TBATA: variants seen among roughly 807,000 people sequenced by gnomAD.
TBATA encodes the protein protein TBATA.
TBATA carries 47 observed loss-of-function variants against 38.7 expected under a neutral mutation model. The ratio of observed to expected loss-of-function variants is 1.21; its 90% CI spans 0.96 to 1.55. TBATA has a LOEUF of 1.55. Among genes scored for constraint, TBATA ranks in the 40% most tolerant of loss-of-function variants. The pLI is 0.00. For synonymous variants in TBATA, 183 were observed against 170.5 expected (o/e 1.07, Z -0.57); for missense variants, 436 against 435.6 (o/e 1.00, Z -0.01).
rs200173023 is a variant in TBATA at position 70,771,439 on chromosome 10, G to A, written c.996C>T (p.Val332=). ...TGTTCTGGCTTGAATGCATCTGGAG[G>A]ACTTGAGCTTCTCCAATGTACTCTA... The part of the protein sequence containing the change: ...EKPEYIGEAQ[V]LQMHSSQNTE... Residue 332 remains valine, a synonymous_variant, in exon 11 of 11, where the codon GTC becomes GTT. Transcript: ENST00000456372. 1.4e-5 allele frequency: 22 copies of A among 1,614,064 alleles called. No individual in the cohort carries two copies. In the Admixed American group the frequency reaches 3.2e-4, roughly 23 times the overall value.
chr10:70,778,529 C>T, intron 6 of TBATA, 28 bp downstream of exon 6: 1 of 1,608,018 alleles, frequency 6.2e-7, no homozygotes, highest in Non-Finnish European at 8.5e-7. Context: ...CTCCTCTTCC[C>T]AGACTAGCTC....
chr10:70,778,738 TC>T, intron 5 of TBATA, 102 bp from the exon 6 acceptor site: 1 of 1,011,334 alleles, frequency 9.9e-7, no homozygotes, highest in Non-Finnish European at 1.6e-6. Flanking sequence ...CTTCCTGGCC[TC>T]CCTGCCTGGA....
At chr10:70,776,657 C>T (rs1389659338) in intron 7 of TBATA, among the ~76,000 whole-genome samples, 1 of 152,160 alleles carries the variant, frequency 6.6e-6, no homozygotes. Flanking sequence ...ACCTCTGACG[C>T]CTTCACCCAC....
intron 3 of TBATA, chr10:70,782,481 A>G: frequency 7.8e-7 from 1 of 1,289,232 alleles, no homozygotes; most frequent in Non-Finnish European, 1.0e-6. Context: ...ATAGGCTGTC[A>G]TCCTCCCCCA....
In TBATA at chr10:70,774,282, G is replaced by A; in HGVS notation, c.851C>T (p.Thr284Ile). Residue 284 changes from threonine (T) to isoleucine (I), a missense_variant, in exon 9 of 11, where the codon ACA becomes ATA. By Grantham distance (89) the Thr-to-Ile change is moderately conservative. Transcript: ENST00000456372. Reference protein sequence around the residue: ...LLPQPLVSIPTEKLLSQLPEV... With the variant: ...LLPQPLVSIPIEKLLSQLPEV... ...TGGAAGCTGGCTTAGGAGCTTTTCTGTAGGGATGGAGACTAGGGGCTGGGG... is the reference window on the plus strand; with the variant it reads ...TGGAAGCTGGCTTAGGAGCTTTTCTATAGGGATGGAGACTAGGGGCTGGGG... 1 of 1,611,022 alleles carries A rather than the reference G, an allele frequency of 6.2e-7. No homozygotes were observed. The highest frequency in any genetic ancestry group is 8.5e-7 in the Non-Finnish European group (1 of 1,179,216).
intron 1 of TBATA, 148 bp downstream of exon 1, chr10:70,785,136 GC>G (rs1844718224): frequency 6.6e-6 from 1 of 152,462 alleles, no homozygotes; most frequent in East Asian, 1.9e-4. Flanking sequence ...GCCCTGCCCT[GC>G]CCCTGCTCTC....
At chr10:70,779,483 C>T (rs1843860686) in intron 5 of TBATA, 110 bp downstream of exon 5, 2 of 1,280,618 alleles carry the variant, frequency 1.6e-6, no homozygotes, top group Admixed American at 3.0e-5. Context: ...CAACGGACCT[C>T]ACTGACCTAA....
intron 9 of TBATA, among the ~76,000 whole-genome samples, chr10:70,773,383 A>C (rs1228767945): frequency 6.6e-6 from 1 of 151,526 alleles, no homozygotes; most frequent in Non-Finnish European, 1.5e-5. Flanking sequence ...CCAAGCTTTC[A>C]TTTGCTCAGT....
chr10:70,774,159 C>T, intron 9 of TBATA, 54 bp downstream of exon 9: 1 of 1,599,402 alleles, frequency 6.3e-7, no homozygotes, highest in Non-Finnish European at 8.5e-7. Flanking sequence ...TCCCACTGGC[C>T]TCACCTGGGA....
At position 70,777,142 on chromosome 10, in the gene TBATA, T is replaced by G. The variant is rs757477032; in HGVS notation, c.693+11A>C. ...AGAGCCAGGAGCCTGGGAGCAGAACTGGGCCCTCACCAGCAGCTCCTGATC... is the reference window on the plus strand; with the variant it reads ...AGAGCCAGGAGCCTGGGAGCAGAACGGGGCCCTCACCAGCAGCTCCTGATC... On this transcript the variant is annotated intron_variant, in intron 7 of 10. Coordinates refer to ENST00000456372, the MANE Select transcript of TBATA (RefSeq NM_001318241.2). The G allele has an allele frequency of 2.5e-5, 41 of 1,611,460 alleles. No homozygotes were observed. The highest frequency in any genetic ancestry group is 3.3e-5 in the Non-Finnish European group (39 of 1,179,502).
intron 9 of TBATA, among the ~76,000 whole-genome samples, chr10:70,773,772 T>G (rs1843030317): frequency 6.6e-6 from 1 of 152,236 alleles, no homozygotes; most frequent in African/African-American, 2.4e-5. Flanking sequence ...TTGCTGACTC[T>G]CAGGCTCCAC....
chr10:70,777,366 G>T (rs1843551737), intron 6 of TBATA, 28 bp from the exon 7 acceptor site: 2 of 1,603,584 alleles, frequency 1.2e-6, no homozygotes, highest in Non-Finnish European at 1.7e-6. Flanking sequence ...AGAGACTCCA[G>T]GCAGTCAGCA....
chr10:70,774,974 G>A (rs1330608505), intron 8 of TBATA, among the ~76,000 whole-genome samples: 1 of 152,212 alleles, frequency 6.6e-6, no homozygotes, highest in African/African-American at 2.4e-5. Flanking sequence ...AGGAGCAGGG[G>A]TAAGGAAATC....
At chr10:70,772,260 T>C in intron 10 of TBATA, 1 of 674,458 alleles carries the variant, frequency 1.5e-6, no homozygotes, top group Non-Finnish European at 2.8e-6. Context: ...TCTGTATTCC[T>C]CCTTGCTGGG....
rs374589827 is a variant in TBATA, at chr10:70,783,324, C to T, written c.41+15G>A. On this transcript the variant is annotated intron_variant, in intron 3 of 10. Coordinates refer to ENST00000456372, the MANE Select transcript of TBATA (RefSeq NM_001318241.2). ...AGCCCTCCTCAGTCAGCAGGGTGGG[C>T]ATTTGGAGCCTCACCTCATCAGTGG... The T allele has an allele frequency of 1.2e-6, 2 of 1,614,004 alleles. No homozygotes were observed. The highest frequency in any genetic ancestry group is 1.3e-5 in the African/African-American group (1 of 74,932).
intron 6 of TBATA, 67 bp downstream of exon 6, chr10:70,778,490 G>T: frequency 6.7e-7 from 1 of 1,481,638 alleles, no homozygotes; most frequent in African/African-American, 1.4e-5. Context: ...ACTCGGGAGG[G>T]ATCTCCTTAC....
At chr10:70,775,953 C>G (rs765858820) in intron 7 of TBATA, among the ~76,000 whole-genome samples, 1 of 152,224 alleles carries the variant, frequency 6.6e-6, no homozygotes, top group Non-Finnish European at 1.5e-5. Context: ...CCTGCGTTCT[C>G]CAGTCAGTTA....
intron 10 of TBATA, among the ~76,000 whole-genome samples, chr10:70,772,025 A>G (rs942900940): frequency 7.9e-5 from 12 of 152,194 alleles, no homozygotes; most frequent in African/African-American, 2.9e-4. Context: ...CCCCACCCAG[A>G]AGGCCCCAGC....
In TBATA at chr10:70,777,669, G is replaced by A. The variant is rs112355525; in HGVS notation, c.508-331C>T. On this transcript the variant is annotated intron_variant, in intron 6 of 10. Coordinates refer to ENST00000456372, the MANE Select transcript of TBATA (RefSeq NM_001318241.2). ...CGCTGGATGCCCGCGGGTGGTTCTC[G>A]TTCTCCCTCCCAGGTAGGTCCTCCT... 2,380 of 392,516 alleles carry A rather than the reference G, an allele frequency of 6.1e-3. 17 individuals are homozygous for A. The highest frequency in any genetic ancestry group is 9.4e-3 in the South Asian group (434 of 45,992). 24.3% of individuals were successfully genotyped at this position (392,516 alleles called of 1,614,324 possible).
Sources: gnomAD v4.1 joint callset for allele counts (sites outside exome capture counted in the v4.1 genomes callset) on GRCh38, gnomAD v4.1.1 for gene constraint, MANE v1.5 for transcripts, NCBI Gene and HGNC (gene_info 2026-07-23, HGNC 2026-07-21) for gene names.